Variants in DENND1A observed in about 807,000 individuals in gnomAD.
DENND1A encodes the protein DENN domain containing 1A.
A neutral mutation model predicts 113.7 loss-of-function variants in DENND1A; 51 were observed. The observed-to-expected ratio is 0.45, with a 90% CI of 0.36 to 0.57. DENND1A has a LOEUF of 0.57. DENND1A is among the 20% of genes least tolerant of loss of function. The pLI is 0.00. For missense variants in DENND1A, 1,258 were observed against 1,395.9 expected, an observed-to-expected ratio of 0.90 and a Z score of 1.57; for synonymous variants, 565 against 570.8, an observed-to-expected ratio of 0.99 and a Z score of 0.14.
intron 9 of DENND1A, among the ~76,000 whole-genome samples, chr9:123,643,631 G>A (rs1217441496): frequency 6.6e-6 from 1 of 152,258 alleles, no homozygotes; most frequent in Non-Finnish European, 1.5e-5. Flanking sequence ...AGTTACAGAA[G>A]ATACGCCCCA....
At chr9:123,899,028 T>C (rs1851195130) in intron 1 of DENND1A, among the ~76,000 whole-genome samples, 1 of 152,220 alleles carries the variant, frequency 6.6e-6, no homozygotes, top group East Asian at 1.9e-4. Flanking sequence ...GGCTTAACTT[T>C]GTCTCTTCTA....
chr9:123,666,960 TCAAA>T lies in DENND1A; in HGVS notation c.507+62_507+65del, dbSNP rs2063521724. 2.1e-6 allele frequency: 3 copies of T among 1,400,882 alleles called. No homozygotes were observed. The East Asian group carries it at 7.6e-5, about 35-fold the overall frequency. The allele number at this position is 1,400,882 out of a possible 1,614,324, so 86.8% of individuals were successfully genotyped here. ...CTTTTAAATCACATCCTTTATTTATTCAAACAAATAGGCAGAAAACAGAGAAGAA... is the reference window on the plus strand; with the variant it reads ...CTTTTAAATCACATCCTTTATTTATTCAAATAGGCAGAAAACAGAGAAGAA... On this transcript the variant is annotated intron_variant, in intron 8 of 23. Coordinates refer to ENST00000394215, the MANE Select transcript of DENND1A (RefSeq NM_001352964.2).
At chr9:123,574,525 T>A (rs1174480935) in intron 12 of DENND1A, among the ~76,000 whole-genome samples, 10 of 152,230 alleles carry the variant, frequency 6.6e-5, no homozygotes, top group African/African-American at 2.4e-4. Context: ...TTTTCTAAAA[T>A]GAACTTTCAT....
At chr9:123,728,515 C>CATCATT (rs2067919690) in intron 5 of DENND1A, among the ~76,000 whole-genome samples, 1 of 84,220 alleles carries the variant, frequency 1.2e-5, no homozygotes, top group African/African-American at 5.8e-5. Flanking sequence ...AAAAAACAGG[C>CATCATT]ATCAGTCATC....
chr9:123,463,289 T>A (rs1459400056), intron 13 of DENND1A, among the ~76,000 whole-genome samples: 2 of 152,248 alleles, frequency 1.3e-5, no homozygotes. Flanking sequence ...TCCTGGATTA[T>A]CTTCTTGACA....
chr9:123,630,611 A>T, intron 9 of DENND1A, 135 bp from the exon 10 acceptor site: 1 of 523,398 alleles, frequency 1.9e-6, no homozygotes, highest in Non-Finnish European at 3.0e-6. Context: ...AATCATTCTA[A>T]GTTAACTCAA....
chr9:123,624,157 G>A (rs911713866), intron 10 of DENND1A, among the ~76,000 whole-genome samples: 9 of 152,146 alleles, frequency 5.9e-5, no homozygotes, highest in African/African-American at 2.2e-4. Context: ...TCCTTTTTGT[G>A]TATCCCCTGC....
chr9:123,492,769 C>T (rs1213013602), intron 13 of DENND1A: 1 of 152,128 alleles, frequency 6.6e-6, no homozygotes, highest in Non-Finnish European at 1.5e-5. Flanking sequence ...CAGGAATGAC[C>T]AGGGAGTGAG....
chr9:123,850,303 G>A (rs573875532), intron 2 of DENND1A, among the ~76,000 whole-genome samples: 6 of 152,194 alleles, frequency 3.9e-5, no homozygotes, highest in South Asian at 4.1e-4. Context: ...CTGACCAGCC[G>A]GTAGCCATCA....
intron 20 of DENND1A, among the ~76,000 whole-genome samples, chr9:123,411,009 G>A (rs568140528): frequency 6.6e-6 from 1 of 152,076 alleles, no homozygotes; most frequent in South Asian, 2.1e-4. Context: ...TTCCATGGAC[G>A]GATCTCTCTC....
intron 5 of DENND1A, among the ~76,000 whole-genome samples, chr9:123,727,250 C>A (rs928527360): frequency 2.0e-5 from 3 of 152,150 alleles, no homozygotes; most frequent in Admixed American, 1.3e-4. Context: ...GAGAAAAGAG[C>A]CAGAAAACAT....
chr9:123,738,305 A>C (rs1424245678), intron 5 of DENND1A, among the ~76,000 whole-genome samples: 4 of 152,200 alleles, frequency 2.6e-5, no homozygotes, highest in African/African-American at 9.7e-5. Flanking sequence ...ACAAGGCTGC[A>C]CACTGCTGAC....
At chr9:123,557,771 G>A (rs2057507945) in intron 12 of DENND1A, 76 bp from the exon 13 acceptor site, 1 of 1,536,280 alleles carries the variant, frequency 6.5e-7, no homozygotes, top group Middle Eastern at 1.7e-4. Context: ...CACTACATAT[G>A]GAGCCCTGGA....
At chr9:123,487,813 G>A (rs1186610932) in intron 13 of DENND1A, among the ~76,000 whole-genome samples, 1 of 152,226 alleles carries the variant, frequency 6.6e-6, no homozygotes, top group Non-Finnish European at 1.5e-5. Context: ...GGGGACTGCT[G>A]ATATTTCTGG....
At chr9:123,625,262 T>G (rs1255034875) in intron 10 of DENND1A, among the ~76,000 whole-genome samples, 1 of 152,218 alleles carries the variant, frequency 6.6e-6, no homozygotes, top group Non-Finnish European at 1.5e-5. Context: ...GTATCTGCCT[T>G]GCAGGGTTGT....
chr9:123,564,740 C>T (rs2057952012), intron 12 of DENND1A, among the ~76,000 whole-genome samples: 1 of 152,188 alleles, frequency 6.6e-6, no homozygotes, highest in Non-Finnish European at 1.5e-5. Context: ...TATTTCATTT[C>T]AATCCATTTA....
At chr9:123,766,299 G>A (rs74999112) in intron 4 of DENND1A, among the ~76,000 whole-genome samples, 1,964 of 152,178 alleles carry the variant, frequency 0.013, 36 homozygotes, top group African/African-American at 0.044. Flanking sequence ...CCTTTGGGTC[G>A]ATCCTGTTTA....
At chr9:123,458,744 C>T (rs2048325185) in intron 13 of DENND1A, among the ~76,000 whole-genome samples, 1 of 152,156 alleles carries the variant, frequency 6.6e-6, no homozygotes, top group African/African-American at 2.4e-5. Context: ...GGTGGATCAC[C>T]TGAGGTTGGG....
In DENND1A at chr9:123,652,072, G is replaced by A. The variant is rs369785375; in HGVS notation, c.559C>T (p.Leu187=). ...VAVDVNNMLH[L]YASMLYERRI... ...CGTTCGTACAGCATACTGGCGTACA[G>A]ATGCAACATGTTGTTAACATCCACA... is the stretch of plus-strand genomic sequence containing the variant. The change falls in exon 9 of 24, where the codon CTG becomes TTG. Residue 187 remains leucine (L), a synonymous_variant. Transcript: ENST00000394215. 118 of 1,614,166 alleles carry A rather than the reference G, an allele frequency of 7.3e-5. 1 individual carries two copies. The South Asian group carries it at 1.1e-3, about 15-fold the overall frequency.
Sources: gnomAD v4.1 joint callset for allele counts (sites outside exome capture counted in the v4.1 genomes callset) on GRCh38, gnomAD v4.1.1 for gene constraint, MANE v1.5 for transcripts, NCBI Gene and HGNC (gene_info 2026-07-23, HGNC 2026-07-21) for gene names.